ARHGAP30: variants seen among roughly 807,000 people sequenced by gnomAD.
ARHGAP30 encodes Rho GTPase activating protein 30, also known as rho GTPase-activating protein 30.
Under a neutral mutation model 72.0 loss-of-function variants are expected in ARHGAP30, and 23 were observed. The observed-to-expected ratio is 0.32, with a 90% CI of 0.23 to 0.45. The LOEUF (loss-of-function observed/expected upper bound fraction) is 0.45. ARHGAP30 is among the 20% of genes least tolerant of loss of function. The probability of loss-of-function intolerance (pLI) is 1.00; values close to 1 mark genes in which losing one functional copy is unlikely to be tolerated. For missense variants in ARHGAP30, 1,319 were observed against 1,383.4 expected (o/e 0.95, Z 0.74); for synonymous variants, 576 against 528.2 (o/e 1.09, Z -1.24).
At chr1:161,065,981 C>T (rs1317846827) in intron 1 of ARHGAP30, among the ~76,000 whole-genome samples, 1 of 151,782 alleles carries the variant, frequency 6.6e-6, no homozygotes, top group Non-Finnish European at 1.5e-5. Flanking sequence ...ACTGAAGCCT[C>T]AGCCTCCCGA....
intron 10 of ARHGAP30, among the ~76,000 whole-genome samples, chr1:161,050,218 C>T (rs1651247705): frequency 1.3e-5 from 2 of 149,458 alleles, no homozygotes; most frequent in African/African-American, 4.9e-5. Context: ...ACTGCTGTAA[C>T]ATAAGGCTAA....
At chr1:161,051,274 A>G in intron 10 of ARHGAP30, 40 bp downstream of exon 10, 2 of 1,530,642 alleles carry the variant, frequency 1.3e-6, no homozygotes, top group Middle Eastern at 1.8e-4. Context: ...CTAGAGTTCC[A>G]GTCCCCTTTC....
rs954425738 is a variant in ARHGAP30, at chr1:161,069,207, C to G, written c.97+321G>C. 6.6e-6 allele frequency among the ~76,000 whole-genome samples: 1 copy of G among 152,096 alleles called. No individual in the cohort carries two copies. Among genetic ancestry groups the G allele is most frequent in the African/African-American group, 2.4e-5 (1 of 41,408 alleles). On this transcript the variant is annotated intron_variant, in intron 1 of 11. Transcript: ENST00000368013. This position sits in a 1 kb window ranked among gnomAD's most constrained non-coding sequence, Gnocchi z 4.9. ...GTCGCCTCACCCTCCCTCTCCTGTT[C>G]CCAGTCACCTGCCCGCTGTTTCATC...
chr1:161,059,003 T>A (rs1242225526), intron 2 of ARHGAP30, among the ~76,000 whole-genome samples: 1 of 152,088 alleles, frequency 6.6e-6, no homozygotes, highest in Non-Finnish European at 1.5e-5. Context: ...AATGGTGAAT[T>A]TTTTGATATG....
intron 5 of ARHGAP30, 101 bp from the exon 6 acceptor site, chr1:161,053,486 CT>C: frequency 1.6e-6 from 2 of 1,226,380 alleles, no homozygotes; most frequent in East Asian, 2.6e-5. Context: ...CTCTCTCTCT[CT>C]CTCTCTCTCT....
At chr1:161,054,853 T>TAG (rs1300669761) in intron 3 of ARHGAP30, 148 bp from the exon 4 acceptor site, 32 of 704,464 alleles carry the variant, frequency 4.5e-5, no homozygotes, top group Non-Finnish European at 7.8e-5. Flanking sequence ...ACTGACTTGG[T>TAG]AGAGAGAGCT....
intron 3 of ARHGAP30, among the ~76,000 whole-genome samples, chr1:161,055,116 G>A (rs1651725812): frequency 6.6e-6 from 1 of 152,136 alleles, no homozygotes; most frequent in Non-Finnish European, 1.5e-5. Flanking sequence ...GTCTCTCAGT[G>A]CTCTTATGCT....
intron 6 of ARHGAP30, 181 bp from the exon 7 acceptor site, chr1:161,052,978 G>T: frequency 1.1e-6 from 1 of 935,960 alleles, no homozygotes; most frequent in Non-Finnish European, 1.6e-6. Context: ...AGGGCTGGGA[G>T]ATCCGAGAAC....
chr1:161,066,412 C>G (rs541031395), intron 1 of ARHGAP30, among the ~76,000 whole-genome samples: 1 of 150,784 alleles, frequency 6.6e-6, no homozygotes, highest in African/African-American at 2.4e-5. Flanking sequence ...TTTGGGAGGC[C>G]GAGGCGAGTG....
At chr1:161,050,295 C>CTTTTTTT (rs34136308) in intron 10 of ARHGAP30, among the ~76,000 whole-genome samples, 2 of 118,622 alleles carry the variant, frequency 1.7e-5, no homozygotes, top group Non-Finnish European at 3.5e-5. Context: ...GCACTTGGAC[C>CTTTTTTT]TTTTTTTTTT....
At position 161,051,396 on chromosome 1, in the gene ARHGAP30, G is replaced by A. The variant is rs1651353315; in HGVS notation, c.1338C>T (p.Gly446=). The A allele has an allele frequency of 1.2e-6, 2 of 1,614,046 alleles. No homozygotes were observed. The highest frequency in any genetic ancestry group is 1.7e-6 in the Non-Finnish European group (2 of 1,180,030). Residue 446 remains glycine, a synonymous_variant, in exon 10 of 12, where the codon GGC becomes GGT. Transcript: ENST00000368013. ...GGTGCTGTAGAGCAGGGCACTCAAG[G>A]CCACGGGTGAGCCTGGCCAAGGAAA... is the stretch of plus-strand genomic sequence containing the variant. ...SNVSLARLTR[G]LECPALQHRP... is the part of the protein sequence containing the mutation.
At chr1:161,060,114 C>G in intron 1 of ARHGAP30, 1 of 379,152 alleles carries the variant, frequency 2.6e-6, no homozygotes, top group South Asian at 1.8e-5. Context: ...AACTCTGTCT[C>G]TACAAAAAAT....
At chr1:161,053,572 A>G (rs1203572789) in intron 5 of ARHGAP30, among the ~76,000 whole-genome samples, 187 bp from the exon 6 acceptor site, 2 of 151,260 alleles carry the variant, frequency 1.3e-5, no homozygotes, top group African/African-American at 4.8e-5. Context: ...CTCAAATGCC[A>G]CTTGAAGACT....
chr1:161,065,789 A>G (rs189927351), intron 1 of ARHGAP30, among the ~76,000 whole-genome samples: 131 of 151,726 alleles, frequency 8.6e-4, no homozygotes, highest in African/African-American at 3.0e-3. Context: ...CTGGTCTCAA[A>G]CTCCCGACCT....
chr1:161,050,039 C>A (rs1170988335), intron 10 of ARHGAP30, among the ~76,000 whole-genome samples: 2 of 152,078 alleles, frequency 1.3e-5, no homozygotes, highest in Non-Finnish European at 2.9e-5. Flanking sequence ...AAATTTGAAC[C>A]CAAGTCTACT....
At chr1:161,062,516 G>A (rs972152958) in intron 1 of ARHGAP30, among the ~76,000 whole-genome samples, 1 of 151,960 alleles carries the variant, frequency 6.6e-6, no homozygotes, top group African/African-American at 2.4e-5. Context: ...ATCACTTGAG[G>A]TTTAGAGTTT....
At chr1:161,061,166 T>C (rs1652283810) in intron 1 of ARHGAP30, among the ~76,000 whole-genome samples, 1 of 151,852 alleles carries the variant, frequency 6.6e-6, no homozygotes, top group African/African-American at 2.4e-5. Flanking sequence ...TGGGTTCTGT[T>C]TGTTTGTTTG....
At chr1:161,055,324 T>C (rs1228334616) in intron 3 of ARHGAP30, among the ~76,000 whole-genome samples, 2 of 152,024 alleles carry the variant, frequency 1.3e-5, no homozygotes, top group African/African-American at 4.8e-5. Context: ...AGACCTTGTC[T>C]CTACTAAAAA....
At chr1:161,060,281 AAG>A in intron 1 of ARHGAP30, 1 of 413,530 alleles carries the variant, frequency 2.4e-6, no homozygotes, top group Non-Finnish European at 4.8e-6. Flanking sequence ...AAAAAAAAAA[AAG>A]AAAGAGAAAG....
Sources: gnomAD v4.1 joint callset for allele counts (sites outside exome capture counted in the v4.1 genomes callset) on GRCh38, gnomAD v4.1.1 for gene constraint, Gnocchi (gnomAD v3.1) non-coding constraint, MANE v1.5 for transcripts, NCBI Gene and HGNC (gene_info 2026-07-23, HGNC 2026-07-21) for gene names.